The following CDKN2B-AS1 variants were observed in gnomAD, a reference collection of about 807,000 sequenced individuals.
The protein encoded by CDKN2B-AS1 is CDKN2B antisense RNA 1 (non-protein coding).
chr9:22,062,270 G>A (rs1029933666), intron 4 of CDKN2B-AS1, among the ~76,000 whole-genome samples: 32 of 152,240 alleles, frequency 2.1e-4, no homozygotes, highest in African/African-American at 7.5e-4. Flanking sequence ...ATTTATTTTT[G>A]TTTAGCTTAC....
At chr9:22,015,619 TTTTA>T (rs997934165) in intron 1 of CDKN2B-AS1, among the ~76,000 whole-genome samples, 1 of 151,976 alleles carries the variant, frequency 6.6e-6, no homozygotes, top group African/African-American at 2.4e-5. Flanking sequence ...CCCCATTTAT[TTTTA>T]TTTATTTATT....
intron 4 of CDKN2B-AS1, among the ~76,000 whole-genome samples, chr9:22,124,575 T>C (rs1032832057): frequency 2.0e-5 from 3 of 152,216 alleles, no homozygotes; most frequent in Non-Finnish European, 4.4e-5. Flanking sequence ...CTTATTTCTG[T>C]CTTTAAATTT....
intron 4 of CDKN2B-AS1, among the ~76,000 whole-genome samples, chr9:22,114,641 T>A (rs1406722518): frequency 6.6e-6 from 1 of 152,242 alleles, no homozygotes; most frequent in African/African-American, 2.4e-5. Flanking sequence ...CTTGCTTTAG[T>A]ACATCTGCTG....
chr9:22,007,176 A>G (rs1263799619), intron 1 of CDKN2B-AS1, among the ~76,000 whole-genome samples: 1 of 152,144 alleles, frequency 6.6e-6, no homozygotes, highest in Non-Finnish European at 1.5e-5. Context: ...CCTGGCCAAC[A>G]TGGTGAAATC....
intron 1 of CDKN2B-AS1, among the ~76,000 whole-genome samples, chr9:22,007,543 C>G (rs937629884): frequency 1.3e-5 from 2 of 152,028 alleles, no homozygotes; most frequent in African/African-American, 4.8e-5. Context: ...TTTTTGGTAA[C>G]TAAATGTCTA....
At chr9:22,013,164 G>C (rs1057457308) in intron 1 of CDKN2B-AS1, among the ~76,000 whole-genome samples, 1 of 152,070 alleles carries the variant, frequency 6.6e-6, no homozygotes, top group Non-Finnish European at 1.5e-5. Context: ...CAGTCAGATT[G>C]GATTAGGGCC....
intron 1 of CDKN2B-AS1, among the ~76,000 whole-genome samples, chr9:22,034,368 A>G (rs1432717619): frequency 6.6e-6 from 1 of 152,104 alleles, no homozygotes; most frequent in African/African-American, 2.4e-5. Context: ...CTACTTTTTC[A>G]TTGTGTTCCC....
At chr9:22,029,217 A>T (rs1027434676) in intron 1 of CDKN2B-AS1, among the ~76,000 whole-genome samples, 4 of 152,214 alleles carry the variant, frequency 2.6e-5, no homozygotes, top group Non-Finnish European at 4.4e-5. Flanking sequence ...GAGAAACAGA[A>T]TAGTCTCAGG....
chr9:22,109,385 A>T (rs1386437503), intron 4 of CDKN2B-AS1, among the ~76,000 whole-genome samples: 1 of 152,180 alleles, frequency 6.6e-6, no homozygotes, highest in East Asian at 1.9e-4. Context: ...TTTGGAATAA[A>T]TCGCTGTCTC....
intron 4 of CDKN2B-AS1, among the ~76,000 whole-genome samples, chr9:22,109,152 G>T (rs946068604): frequency 1.3e-5 from 2 of 152,186 alleles, no homozygotes; most frequent in African/African-American, 4.8e-5. Flanking sequence ...GCCAAGGAAT[G>T]AAAGTGTTTT....
intron 4 of CDKN2B-AS1, chr9:22,118,572 T>C (rs1258856837): frequency 2.0e-5 from 3 of 152,232 alleles, no homozygotes; most frequent in Non-Finnish European, 4.4e-5. Context: ...ATGAACTTTT[T>C]TCCCTGCAAC....
intron 1 of CDKN2B-AS1, chr9:22,003,463 A>G (rs1821016077): frequency 8.8e-6 from 2 of 227,784 alleles, no homozygotes; most frequent in African/African-American, 2.2e-5. Flanking sequence ...ATGACCCAGT[A>G]TAATGCAACT....
In CDKN2B-AS1 at chr9:22,054,016, C is replaced by A. The variant is rs139181595; in HGVS notation, n.303-2236C>A. On this transcript the variant is annotated intron_variant and non_coding_transcript_variant, in intron 3 of 4. Transcript: ENST00000650946. ...TGACCTGGGATAAGTTACTGACCCT[C>A]TTTAGGGCTTAGGGTCCTAATCTGC... Among the ~76,000 whole-genome samples, 324 of 152,198 alleles carry A rather than the reference C, an allele frequency of 2.1e-3. 3 individuals carry two copies. Among genetic ancestry groups the A allele is most frequent in the Middle Eastern group, 0.02 (6 of 294 alleles).
chr9:22,006,934 C>A lies in CDKN2B-AS1; in HGVS notation n.29+11773C>A, dbSNP rs746677081. 6.6e-6 allele frequency among the ~76,000 whole-genome samples: 1 copy of A among 151,840 alleles called. No individual in the cohort carries two copies. The highest frequency in any genetic ancestry group is 1.5e-5 in the Non-Finnish European group (1 of 67,972). On this transcript the variant is annotated intron_variant and non_coding_transcript_variant, in intron 1 of 4. Transcript: ENST00000650946. The surrounding 1 kb of genome is among the most constrained non-coding windows in gnomAD (Gnocchi z 6.4). ...ATAAAATTATAATAAATGATTTTTC[C>A]TTAACAGTTCATCATTTTAAATTTA...
chr9:22,099,498 C>A (rs144537905), intron 4 of CDKN2B-AS1, among the ~76,000 whole-genome samples: 5 of 152,098 alleles, frequency 3.3e-5, no homozygotes, highest in Non-Finnish European at 5.9e-5. Flanking sequence ...TGCACATATA[C>A]GTACTTTTTT....
chr9:22,089,022 T>C (rs1263089910), intron 4 of CDKN2B-AS1, among the ~76,000 whole-genome samples: 1 of 152,210 alleles, frequency 6.6e-6, no homozygotes, highest in African/African-American at 2.4e-5. Context: ...ATTTGTTTTT[T>C]ACATTGTCAA....
intron 3 of CDKN2B-AS1, among the ~76,000 whole-genome samples, chr9:22,051,184 C>T (rs1823328801): frequency 6.6e-6 from 1 of 152,024 alleles, no homozygotes; most frequent in Admixed American, 6.6e-5. Context: ...TTAAGGGGCC[C>T]CCTGAGCTGA....
intron 4 of CDKN2B-AS1, among the ~76,000 whole-genome samples, chr9:22,075,315 T>A (rs1218937443): frequency 6.6e-6 from 1 of 152,162 alleles, no homozygotes; most frequent in Non-Finnish European, 1.5e-5. Context: ...CAGGCAATGA[T>A]GAGGAATCAC....
intron 1 of CDKN2B-AS1, among the ~76,000 whole-genome samples, chr9:22,012,985 C>T (rs2131203151): frequency 6.6e-6 from 1 of 152,306 alleles, no homozygotes; most frequent in East Asian, 1.9e-4. Flanking sequence ...GACTGAGTAG[C>T]TTAAACAACA....
Sources: allele counts gnomAD v4.1 joint callset (sites outside exome capture counted in the v4.1 genomes callset), GRCh38; gene constraint gnomAD v4.1.1; non-coding constraint Gnocchi (gnomAD v3.1); transcripts MANE v1.5; gene names NCBI Gene and HGNC (gene_info 2026-07-23, HGNC 2026-07-21).